Variants in ATRNL1 observed in about 807,000 individuals in gnomAD.
ATRNL1 encodes the protein attractin like 1, also known as attractin-like protein 1.
In ATRNL1, 95 loss-of-function variants were observed where a neutral mutation model predicts 182.7. The observed-to-expected ratio is 0.52, with a 90% CI of 0.44 to 0.62. The LOEUF (loss-of-function observed/expected upper bound fraction) is 0.62. Ranked by LOEUF, ATRNL1 falls within the 20% of genes least tolerant of loss-of-function variation. The pLI is 0.00. For synonymous variants in ATRNL1, 576 were observed against 568.3 expected (o/e 1.01, Z -0.19); for missense variants, 1,471 against 1,679.5 (o/e 0.88, Z 2.17).
chr10:115,675,466 A>G (rs1945831763), intron 26 of ATRNL1, among the ~76,000 whole-genome samples: 1 of 152,066 alleles, frequency 6.6e-6, no homozygotes, highest in East Asian at 1.9e-4. Context: ...GTCATGGGGT[A>G]TATTATTTAT....
At chr10:115,537,767 G>A (rs1572401) in intron 25 of ATRNL1, among the ~76,000 whole-genome samples, 62,434 of 151,718 alleles carry the variant, frequency 0.41, 13,424 homozygotes, top group Middle Eastern at 0.53. Flanking sequence ...CTTTTGCGGG[G>A]AGTACAGTTG....
At position 115,389,544 on chromosome 10, in the gene ATRNL1, A is replaced by ATATATATATATATATG. The variant is rs1564989804; in HGVS notation, c.3176-5100_3176-5099insGTATATATATATATAT. ...ATAGTATTCAAATGTGTATGTGTAT[A>ATATATATATATATATG]TATATATATATATATATATATATAT... is the stretch of plus-strand genomic sequence containing the variant. On this transcript the variant is annotated intron_variant, in intron 19 of 28. Transcript: ENST00000355044. 3.4e-3 allele frequency among the ~76,000 whole-genome samples: 35 copies of ATATATATATATATATG among 10,434 alleles called. 2 individuals carry two copies. Among genetic ancestry groups the ATATATATATATATATG allele is most frequent in the Non-Finnish European group, 4.4e-3 (28 of 6,362 alleles). 6.8% of individuals were successfully genotyped at this position (10,434 alleles called of 152,430 possible). A position where few individuals can be genotyped will look rare whatever the true frequency, so the allele number is the denominator to read the frequency against.
intron 3 of ATRNL1, among the ~76,000 whole-genome samples, chr10:115,126,039 C>A (rs12243763): frequency 0.013 from 1,996 of 152,276 alleles, 40 homozygotes; most frequent in African/African-American, 0.046. Context: ...AAACAAAAAA[C>A]CAAACAGATC....
At chr10:115,212,070 GTTTGTT>G (rs1554895127) in intron 8 of ATRNL1, among the ~76,000 whole-genome samples, 2 of 151,040 alleles carry the variant, frequency 1.3e-5, no homozygotes, top group Admixed American at 6.6e-5. Flanking sequence ...CTCAATGCAG[GTTTGTT>G]ATGTGGCTGT....
chr10:115,603,230 C>A (rs141825814), intron 26 of ATRNL1, among the ~76,000 whole-genome samples: 39 of 152,240 alleles, frequency 2.6e-4, no homozygotes, highest in African/African-American at 8.4e-4. Context: ...AAATTCCAAG[C>A]TAATGATAAA....
intron 26 of ATRNL1, among the ~76,000 whole-genome samples, chr10:115,553,520 T>G (rs1232774426): frequency 6.6e-6 from 1 of 151,424 alleles, no homozygotes; most frequent in African/African-American, 2.4e-5. Context: ...ATACAGGAAA[T>G]TTTGGAGGAT....
intron 26 of ATRNL1, among the ~76,000 whole-genome samples, chr10:115,582,567 C>T (rs1184358984): frequency 2.5e-5 from 3 of 118,842 alleles, no homozygotes; most frequent in Non-Finnish European, 5.6e-5. Context: ...CTCTTCATGT[C>T]CTTCGCCCAC....
intron 24 of ATRNL1, among the ~76,000 whole-genome samples, chr10:115,508,081 G>A (rs1554981739): frequency 6.6e-6 from 1 of 151,926 alleles, no homozygotes; most frequent in African/African-American, 2.4e-5. Context: ...TACTCACTTT[G>A]TGTCTCTGCA....
intron 28 of ATRNL1, among the ~76,000 whole-genome samples, chr10:115,885,904 G>T (rs1951933601): frequency 2.0e-5 from 3 of 152,114 alleles, no homozygotes; most frequent in Admixed American, 1.3e-4. Context: ...CCATGTGAGG[G>T]TTCTCTAAAA....
At chr10:115,094,876 A>G (rs1554862743) in intron 1 of ATRNL1, among the ~76,000 whole-genome samples, 2 of 152,210 alleles carry the variant, frequency 1.3e-5, no homozygotes. Flanking sequence ...TTTAGGTTAG[A>G]TAGAAGGACG....
intron 27 of ATRNL1, among the ~76,000 whole-genome samples, chr10:115,746,107 G>A (rs2960645): frequency 0.98 from 149,481 of 152,146 alleles, 73,476 homozygotes; most frequent in Middle Eastern, 1. Flanking sequence ...AGAGAGATAA[G>A]TCATATCACT....
chr10:115,466,665 G>A (rs1848066441), intron 22 of ATRNL1, among the ~76,000 whole-genome samples: 1 of 150,816 alleles, frequency 6.6e-6, no homozygotes, highest in Non-Finnish European at 1.5e-5. Context: ...TTTTGGAGTA[G>A]GTTCATCATT....
chr10:115,727,460 A>G, intron 27 of ATRNL1, 105 bp downstream of exon 27: 1 of 826,508 alleles, frequency 1.2e-6, no homozygotes, highest in Middle Eastern at 2.5e-4. Context: ...CTGATTATCT[A>G]CAGTTGACAA....
At chr10:115,123,525 CTG>C (rs1323613734) in intron 3 of ATRNL1, among the ~76,000 whole-genome samples, 2 of 152,288 alleles carry the variant, frequency 1.3e-5, no homozygotes, top group South Asian at 4.1e-4. Context: ...ATTACAGAGA[CTG>C]TGTCACAGGC....
intron 20 of ATRNL1, among the ~76,000 whole-genome samples, chr10:115,404,104 G>A (rs1844711703): frequency 6.6e-6 from 1 of 152,156 alleles, no homozygotes; most frequent in Admixed American, 6.5e-5. Context: ...TCAGGTAAAT[G>A]TTTGAGTTCT....
chr10:115,391,219 T>A (rs1277751643), intron 19 of ATRNL1, among the ~76,000 whole-genome samples: 1 of 152,226 alleles, frequency 6.6e-6, no homozygotes, highest in Non-Finnish European at 1.5e-5. Context: ...GTGGTAAAGG[T>A]GGACATCCTT....
intron 26 of ATRNL1, among the ~76,000 whole-genome samples, chr10:115,611,255 T>A (rs570404341): frequency 1.3e-5 from 2 of 152,218 alleles, no homozygotes; most frequent in Non-Finnish European, 2.9e-5. Context: ...GTATCTAATG[T>A]GCAATCCTTA....
chr10:115,165,525 G>A (rs1592198047), intron 6 of ATRNL1, 33 bp from the exon 7 acceptor site: 1 of 1,256,084 alleles, frequency 8.0e-7, no homozygotes. Flanking sequence ...ATGAATCTTA[G>A]CTTATGAAGT....
At chr10:115,692,842 A>G (rs1299308319) in intron 26 of ATRNL1, among the ~76,000 whole-genome samples, 1 of 152,118 alleles carries the variant, frequency 6.6e-6, no homozygotes, top group Non-Finnish European at 1.5e-5. Flanking sequence ...CTTAGTGTTC[A>G]ATGTATATGT....
Sources: gnomAD v4.1 joint callset for allele counts (sites outside exome capture counted in the v4.1 genomes callset) on GRCh38, gnomAD v4.1.1 for gene constraint, MANE v1.5 for transcripts, NCBI Gene and HGNC (gene_info 2026-07-23, HGNC 2026-07-21) for gene names.